Variants in TRAPPC9 observed in about 807,000 individuals in gnomAD.
TRAPPC9 encodes the protein trafficking protein particle complex subunit 9, also known as IKK2 binding protein.
A neutral mutation model predicts 124.0 loss-of-function variants in TRAPPC9; 83 were observed. The ratio of observed to expected loss-of-function variants is 0.67; its 90% confidence interval spans 0.56 to 0.80. TRAPPC9 has a LOEUF of 0.80. Among genes scored for constraint, TRAPPC9 ranks in the 30% least tolerant of loss-of-function variants. The pLI, the probability that TRAPPC9 is intolerant of heterozygous loss-of-function variation, is 0.00. For synonymous variants in TRAPPC9, 638 were observed against 617.5 expected, an observed-to-expected ratio of 1.03 and a Z score of -0.49; for missense variants, 1,302 against 1,508.3, an observed-to-expected ratio of 0.86 and a Z score of 2.27.
At position 140,011,505 on chromosome 8, in the gene TRAPPC9, T is replaced by C. The variant is rs1459010820; in HGVS notation, c.2699+12432A>G. On this transcript the variant is annotated intron_variant, in intron 18 of 22. Coordinates refer to ENST00000438773, the MANE Select transcript of TRAPPC9 (RefSeq NM_001160372.4). ...AACATGCTTCCAGAAGGCATACTTT[T>C]TTTTTTTTTTTTTTTTTGAGACGGA... is the stretch of plus-strand genomic sequence containing the variant. 3.7e-5 allele frequency among the ~76,000 whole-genome samples: 5 copies of C among 134,374 alleles called. No individual in the cohort carries two copies. The East Asian group carries it at 1.0e-3, about 28-fold the overall frequency. 88.2% of individuals were successfully genotyped at this position (134,374 alleles called of 152,430 possible).
chr8:140,253,302 C>T (rs1361184928), intron 15 of TRAPPC9, among the ~76,000 whole-genome samples: 1 of 152,058 alleles, frequency 6.6e-6, no homozygotes, highest in Non-Finnish European at 1.5e-5. Context: ...TATTATATCA[C>T]CTTAAAGAGA....
chr8:140,179,770 T>C lies in TRAPPC9; in HGVS notation c.2556+41689A>G, dbSNP rs528753575. Among the ~76,000 whole-genome samples the C allele has an allele frequency of 5.3e-5, 8 of 152,246 alleles. No homozygotes were observed. In the East Asian group the frequency reaches 1.5e-3, roughly 29 times the overall value. ...TCTGTTATTGGGTGTATACACATTT[T>C]GAAATGTCACATGTTCTTGAAGAAT... On this transcript the variant is annotated intron_variant, in intron 17 of 22. Transcript: ENST00000438773.
chr8:139,916,302 T>C (rs1391714684), intron 19 of TRAPPC9: 1 of 152,116 alleles, frequency 6.6e-6, no homozygotes, highest in Non-Finnish European at 1.5e-5. Flanking sequence ...TTAGATAAGA[T>C]AGATGGTGGA....
intron 21 of TRAPPC9, among the ~76,000 whole-genome samples, chr8:139,847,144 G>C (rs7824217): frequency 0.16 from 24,781 of 152,182 alleles, 4,274 homozygotes; most frequent in African/African-American, 0.44. Flanking sequence ...AAGACCATAA[G>C]AAGCAGATCA....
chr8:139,834,091 A>G (rs570137454), intron 21 of TRAPPC9, among the ~76,000 whole-genome samples: 3 of 152,296 alleles, frequency 2.0e-5, no homozygotes, highest in African/African-American at 7.2e-5. Context: ...GCAGGGTGAG[A>G]AACTCCGGTG....
Position 139,907,982 on chromosome 8 carries a change from G to GC in TRAPPC9, c.2964+2164dup. 6.6e-6 allele frequency among the ~76,000 whole-genome samples: 1 copy of GC among 152,218 alleles called. No individual in the cohort carries two copies. Among genetic ancestry groups the GC allele is most frequent in the Non-Finnish European group, 1.5e-5 (1 of 68,018 alleles). Reference sequence around the variant, plus strand: ...GACGGGAAGACAGGATAATGAAACCGCCCCAGGAGTCAGGTTGCCGACAAG... The same window carrying GC: ...GACGGGAAGACAGGATAATGAAACCGCCCCCAGGAGTCAGGTTGCCGACAAG... On this transcript the variant is annotated intron_variant, in intron 20 of 22. Coordinates refer to ENST00000438773, the MANE Select transcript of TRAPPC9 (RefSeq NM_001160372.4). The surrounding 1 kb of genome is among the most constrained non-coding windows in gnomAD (Gnocchi z 4.7).
chr8:140,198,352 C>T (rs1363861834), intron 17 of TRAPPC9, among the ~76,000 whole-genome samples: 1 of 152,162 alleles, frequency 6.6e-6, no homozygotes, highest in East Asian at 1.9e-4. Context: ...ATGGAGGCTA[C>T]AAGATTCTGA....
chr8:139,939,346 C>T (rs1406129945), intron 19 of TRAPPC9, among the ~76,000 whole-genome samples: 1 of 152,224 alleles, frequency 6.6e-6, no homozygotes, highest in Non-Finnish European at 1.5e-5. Context: ...GCGTGGCGGG[C>T]AGGTGCCAGC....
chr8:140,096,328 A>G (rs186862162), intron 17 of TRAPPC9: 82 of 152,372 alleles, frequency 5.4e-4, no homozygotes, highest in African/African-American at 1.9e-3. Flanking sequence ...TACTCTGAGC[A>G]GCTAGGGAGC....
chr8:139,986,351 C>T (rs1464010130), intron 19 of TRAPPC9, among the ~76,000 whole-genome samples: 2 of 151,964 alleles, frequency 1.3e-5, no homozygotes, highest in South Asian at 2.1e-4. Flanking sequence ...GATACCATCA[C>T]CTCTAAGAAA....
In TRAPPC9 at chr8:139,999,195, C is replaced by CA. The variant is rs201460981; in HGVS notation, c.2700-10360dup. 8.8e-3 allele frequency among the ~76,000 whole-genome samples: 1,313 copies of CA among 148,378 alleles called. 7 individuals carry two copies. Among genetic ancestry groups the CA allele is most frequent in the Middle Eastern group, 0.017 (5 of 288 alleles). On this transcript the variant is annotated intron_variant, in intron 18 of 22. Coordinates refer to ENST00000438773, the MANE Select transcript of TRAPPC9 (RefSeq NM_001160372.4). ...CAGAGATTGTCAGAATACGTTTAAA[C>CA]AAAAAAAAACACTCAACTATATGCT...
intron 19 of TRAPPC9, among the ~76,000 whole-genome samples, chr8:139,924,119 C>G (rs962002151): frequency 2.0e-5 from 3 of 152,176 alleles, no homozygotes; most frequent in Admixed American, 2.0e-4. Context: ...GGTGTGGAGT[C>G]ACAGAAACCC....
chr8:139,783,020 T>C (rs1390221061), intron 21 of TRAPPC9, among the ~76,000 whole-genome samples: 1 of 151,990 alleles, frequency 6.6e-6, no homozygotes, highest in Non-Finnish European at 1.5e-5. Flanking sequence ...GTATAACATA[T>C]CAAAATCTGC....
intron 18 of TRAPPC9, among the ~76,000 whole-genome samples, chr8:139,991,262 G>T (rs1177853905): frequency 1.3e-5 from 2 of 152,190 alleles, no homozygotes; most frequent in African/African-American, 4.8e-5. Context: ...ACAGAATACG[G>T]TGCTTACGAA....
At chr8:140,022,582 A>G (rs1019448634) in intron 18 of TRAPPC9, among the ~76,000 whole-genome samples, 1 of 152,226 alleles carries the variant, frequency 6.6e-6, no homozygotes, top group Non-Finnish European at 1.5e-5. Flanking sequence ...GCCGCTTCCA[A>G]GAATTATTTA....
intron 14 of TRAPPC9, 100 bp downstream of exon 14, chr8:140,283,789 T>A (rs1054973262): frequency 3.0e-6 from 4 of 1,316,796 alleles, no homozygotes; most frequent in Non-Finnish European, 4.4e-6. Context: ...ATTCTGGTCA[T>A]AAGAATTACA....
At chr8:140,150,557 C>T (rs1323424334) in intron 17 of TRAPPC9, among the ~76,000 whole-genome samples, 3 of 152,144 alleles carry the variant, frequency 2.0e-5, no homozygotes, top group East Asian at 1.9e-4. Flanking sequence ...GGGATGGATA[C>T]TAAATAGACT....
chr8:139,767,452 C>T (rs762374807), intron 21 of TRAPPC9, among the ~76,000 whole-genome samples: 15 of 152,296 alleles, frequency 9.8e-5, no homozygotes, highest in South Asian at 6.2e-4. Flanking sequence ...CCCGTCCTCA[C>T]GAGGGCTCCG....
chr8:140,073,924 T>G (rs1010721626), intron 17 of TRAPPC9, among the ~76,000 whole-genome samples: 1 of 152,222 alleles, frequency 6.6e-6, no homozygotes, highest in African/African-American at 2.4e-5. Context: ...ACGTCTGCCT[T>G]GCATGTTCAC....
Sources: gnomAD v4.1 joint callset for allele counts (sites outside exome capture counted in the v4.1 genomes callset) on GRCh38, gnomAD v4.1.1 for gene constraint, Gnocchi (gnomAD v3.1) non-coding constraint, MANE v1.5 for transcripts, NCBI Gene and HGNC (gene_info 2026-07-23, HGNC 2026-07-21) for gene names.